The following FNDC3B variants were observed in gnomAD, a reference collection of about 807,000 sequenced individuals.
The protein encoded by FNDC3B is fibronectin type III domain containing 3B.
In FNDC3B, 12 loss-of-function variants were observed where a neutral mutation model predicts 151.5. That is an observed-to-expected ratio of 0.08 (90% CI 0.05 to 0.13). The LOEUF is 0.13. Among genes scored for constraint, FNDC3B ranks in the 10% least tolerant of loss-of-function variants. FNDC3B has a pLI of 1.00. For synonymous variants in FNDC3B, 528 were observed against 549.0 expected (o/e 0.96, Z 0.54); for missense variants, 1,214 against 1,505.3 (o/e 0.81, Z 3.20).
At chr3:172,154,888 C>A (rs556948198) in intron 3 of FNDC3B, among the ~76,000 whole-genome samples, 1 of 151,878 alleles carries the variant, frequency 6.6e-6, no homozygotes, top group Non-Finnish European at 1.5e-5. Context: ...TCCCACCCTG[C>A]GTGGGAACAA....
At chr3:172,154,524 G>A (rs150613772) in intron 3 of FNDC3B, among the ~76,000 whole-genome samples, 176 of 152,292 alleles carry the variant, frequency 1.2e-3, no homozygotes, top group Admixed American at 1.9e-3. Context: ...CTTCTAAGAA[G>A]TGATCGTAGA....
rs1254552693 is a variant in FNDC3B at position 172,346,373 on chromosome 3, C to T, written c.2297C>T (p.Pro766Leu). 3 of 1,613,598 alleles carry T rather than the reference C, an allele frequency of 1.9e-6. No individual in the cohort carries two copies. Among genetic ancestry groups the T allele is most frequent in the Non-Finnish European group, 2.5e-6 (3 of 1,179,774 alleles). ...DVSEITTAAG[P>L]PGQCKAPCIS... ...TCAGAAATTACCACTGCTGCAGGGCCTCCTGGACAATGCAAAGCACCTTGT... is the reference window on the plus strand; with the variant it reads ...TCAGAAATTACCACTGCTGCAGGGCTTCCTGGACAATGCAAAGCACCTTGT... The change falls in exon 20 of 26, where the codon CCT becomes CTT. Residue 766 changes from proline (P) to leucine (L), a missense_variant. Coordinates refer to ENST00000415807, the MANE Select transcript of FNDC3B (RefSeq NM_022763.4).
At chr3:172,290,811 T>G (rs1367109173) in intron 7 of FNDC3B, among the ~76,000 whole-genome samples, 5 of 152,204 alleles carry the variant, frequency 3.3e-5, no homozygotes, top group Admixed American at 2.0e-4. Flanking sequence ...TTCTTTAACC[T>G]TTTCCTTTTT....
At position 172,150,262 on chromosome 3, in the gene FNDC3B, T is replaced by A. The variant is rs575598950; in HGVS notation, c.187+16716T>A. ...CCCAGAATATTTTTAAAGATAGTAT[T>A]GTCATAAGTATTTAGTTTACGTTGC... On this transcript the variant is annotated intron_variant, in intron 3 of 25. Transcript: ENST00000415807. 2.6e-5 allele frequency among the ~76,000 whole-genome samples: 4 copies of A among 152,300 alleles called. No homozygotes were observed. In the East Asian group the frequency reaches 7.7e-4, roughly 29 times the overall value.
chr3:172,158,917 A>G (rs959865267), intron 3 of FNDC3B, among the ~76,000 whole-genome samples: 6 of 151,720 alleles, frequency 4.0e-5, no homozygotes, highest in Admixed American at 3.9e-4. Flanking sequence ...TCCTCTATCA[A>G]TGTCCAGTTG....
intron 6 of FNDC3B, among the ~76,000 whole-genome samples, chr3:172,255,434 A>G (rs1004138833): frequency 3.3e-5 from 5 of 152,124 alleles, no homozygotes; most frequent in African/African-American, 1.2e-4. Flanking sequence ...ATGCTTGGCT[A>G]ACTTTTTGCA....
intron 11 of FNDC3B, among the ~76,000 whole-genome samples, chr3:172,327,650 C>T (rs540047910): frequency 9.2e-5 from 14 of 152,286 alleles, no homozygotes; most frequent in Non-Finnish European, 1.8e-4. Context: ...GTGATCTGCC[C>T]GCCTCAACCT....
chr3:172,171,600 C>CTTT (rs34275289), intron 3 of FNDC3B, among the ~76,000 whole-genome samples: 1 of 123,526 alleles, frequency 8.1e-6, no homozygotes. Flanking sequence ...GCTGTATTAA[C>CTTT]TTTTTTTTTT....
intron 6 of FNDC3B, among the ~76,000 whole-genome samples, chr3:172,256,834 T>G (rs1728367290): frequency 6.6e-6 from 1 of 152,112 alleles, no homozygotes; most frequent in Admixed American, 6.5e-5. Context: ...TTAAAAGACC[T>G]AAGTAGTCTC....
At chr3:172,133,701 A>T (rs566465641) in intron 3 of FNDC3B, 155 bp downstream of exon 3, 1 of 703,730 alleles carries the variant, frequency 1.4e-6, no homozygotes, top group South Asian at 1.5e-5. Flanking sequence ...GGTCTCAAAT[A>T]TATATTATGA....
intron 1 of FNDC3B, among the ~76,000 whole-genome samples, chr3:172,082,357 G>T (rs1475846408): frequency 6.6e-6 from 1 of 152,216 alleles, no homozygotes; most frequent in Non-Finnish European, 1.5e-5. Flanking sequence ...CAAGGCTGAT[G>T]TAACGACACA....
At chr3:172,344,754 T>A (rs1450568158) in intron 19 of FNDC3B, among the ~76,000 whole-genome samples, 3 of 152,356 alleles carry the variant, frequency 2.0e-5, no homozygotes, top group East Asian at 3.9e-4. Flanking sequence ...TATTGCTCCA[T>A]TTGGAGTTGT....
chr3:172,309,865 G>C (rs1229225343), intron 10 of FNDC3B, among the ~76,000 whole-genome samples: 1 of 152,154 alleles, frequency 6.6e-6, no homozygotes, highest in Non-Finnish European at 1.5e-5. Context: ...ATATTAAACA[G>C]CTAGCACCAG....
chr3:172,173,734 T>G (rs964129042), intron 3 of FNDC3B, among the ~76,000 whole-genome samples: 9 of 151,598 alleles, frequency 5.9e-5, no homozygotes, highest in Admixed American at 1.3e-4. Flanking sequence ...GGTGGGAGGA[T>G]CTCTTGAGCC....
chr3:172,307,095 T>G (rs986139312), intron 9 of FNDC3B: 1 of 337,588 alleles, frequency 3.0e-6, no homozygotes, highest in Non-Finnish European at 5.5e-6. Flanking sequence ...ATTTTCTTAC[T>G]TAGAATAATC....
intron 4 of FNDC3B, among the ~76,000 whole-genome samples, chr3:172,244,170 A>G (rs945681804): frequency 1.3e-5 from 2 of 152,192 alleles, no homozygotes; most frequent in Non-Finnish European, 2.9e-5. Context: ...TCCTTAGCAC[A>G]TAGTATGTGT....
intron 3 of FNDC3B, among the ~76,000 whole-genome samples, chr3:172,195,465 C>T (rs973596710): frequency 1.3e-5 from 2 of 152,260 alleles, no homozygotes; most frequent in Non-Finnish European, 2.9e-5. Context: ...CTGGCTTTCA[C>T]AAGCTTTGCT....
intron 1 of FNDC3B, among the ~76,000 whole-genome samples, chr3:172,091,143 G>A (rs7630263): frequency 0.66 from 100,793 of 152,018 alleles, 33,628 homozygotes; most frequent in East Asian, 0.79. Flanking sequence ...GGAAGTGGAG[G>A]GAAGGAGTAG....
At chr3:172,344,362 A>G in intron 19 of FNDC3B, 104 bp downstream of exon 19, 1 of 1,005,046 alleles carries the variant, frequency 9.9e-7, no homozygotes, top group South Asian at 1.7e-5. Context: ...GACAGTCTTG[A>G]TGCAACCTTG....
Sources: allele counts gnomAD v4.1 joint callset (sites outside exome capture counted in the v4.1 genomes callset), GRCh38; gene constraint gnomAD v4.1.1; transcripts MANE v1.5; gene names NCBI Gene and HGNC (gene_info 2026-07-23, HGNC 2026-07-21).